Variants in HS3ST4 observed in about 807,000 individuals in gnomAD.
HS3ST4 encodes heparan sulfate glucosamine 3-O-sulfotransferase 4.
HS3ST4 carries 17 observed loss-of-function variants against 29.2 expected under a neutral mutation model. The observed-to-expected ratio is 0.58, with a 90% confidence interval of 0.40 to 0.87. HS3ST4 has a LOEUF of 0.87. Ranked by LOEUF, HS3ST4 falls within the 40% of genes least tolerant of loss-of-function variation. The pLI, the probability that HS3ST4 is intolerant of heterozygous loss-of-function variation, is 0.00. For synonymous variants in HS3ST4, 314 were observed against 285.7 expected, an observed-to-expected ratio of 1.10 and a Z score of -1.00; for missense variants, 627 against 634.5, an observed-to-expected ratio of 0.99 and a Z score of 0.13.
At chr16:26,090,307 T>G (rs8054490) in intron 1 of HS3ST4, among the ~76,000 whole-genome samples, 79,884 of 149,362 alleles carry the variant, frequency 0.53, 22,447 homozygotes, top group African/African-American at 0.67. Flanking sequence ...GAAATCTCTC[T>G]GCATTGGGAT....
rs182232053 is a variant in HS3ST4 at position 26,005,292 on chromosome 16, T to C, written c.735-130320T>C. The stretch of plus-strand genomic sequence containing the variant: ...CTGAAAACGAAGGTGACTTTGTTTT[T>C]GCCCAATAATATAATGAGTTTTATT... On this transcript the variant is annotated intron_variant, in intron 1 of 1. Coordinates refer to ENST00000331351, the MANE Select transcript of HS3ST4 (RefSeq NM_006040.3). Among the ~76,000 whole-genome samples the C allele has an allele frequency of 6.3e-3, 955 of 152,326 alleles. 11 individuals are homozygous for C. The highest frequency in any genetic ancestry group is 0.017 in the Middle Eastern group (5 of 294).
intron 1 of HS3ST4, among the ~76,000 whole-genome samples, chr16:25,703,480 G>C (rs1966351137): frequency 6.6e-6 from 1 of 152,226 alleles, no homozygotes; most frequent in South Asian, 2.1e-4. Flanking sequence ...GTGCTGGTAA[G>C]TCACTCGCTC....
At chr16:26,034,416 G>C (rs893470353) in intron 1 of HS3ST4, among the ~76,000 whole-genome samples, 24 of 152,126 alleles carry the variant, frequency 1.6e-4, no homozygotes, top group African/African-American at 5.8e-4. Context: ...CTTTATGCTA[G>C]GCCTGTGCTG....
At chr16:25,757,104 A>G (rs1170118191) in intron 1 of HS3ST4, among the ~76,000 whole-genome samples, 1 of 152,208 alleles carries the variant, frequency 6.6e-6, no homozygotes, top group Non-Finnish European at 1.5e-5. Context: ...CAGGTTGTGC[A>G]CAAAATAGTG....
intron 1 of HS3ST4, among the ~76,000 whole-genome samples, chr16:25,941,683 TCTC>T (rs1968573719): frequency 6.6e-6 from 1 of 151,982 alleles, no homozygotes; most frequent in African/African-American, 2.4e-5. Context: ...TTTACGCCAT[TCTC>T]CTGCCTCAGC....
chr16:25,825,204 G>A (rs1967203184), intron 1 of HS3ST4, among the ~76,000 whole-genome samples: 1 of 152,194 alleles, frequency 6.6e-6, no homozygotes, highest in East Asian at 1.9e-4. Flanking sequence ...GCAACCACCG[G>A]AAGTTAGGAA....
intron 1 of HS3ST4, among the ~76,000 whole-genome samples, chr16:25,963,778 G>A (rs890550441): frequency 2.6e-5 from 4 of 152,234 alleles, no homozygotes; most frequent in African/African-American, 9.6e-5. Flanking sequence ...ATCTTGTGGT[G>A]AGAGGGGACG....
intron 1 of HS3ST4, among the ~76,000 whole-genome samples, chr16:26,063,418 A>G (rs767278485): frequency 2.6e-4 from 39 of 151,856 alleles, no homozygotes; most frequent in Middle Eastern, 3.4e-3. Flanking sequence ...TGGGCATGGT[A>G]GTTTACACCT....
intron 1 of HS3ST4, among the ~76,000 whole-genome samples, chr16:25,732,199 C>T (rs1257650534): frequency 3.3e-5 from 5 of 152,146 alleles, no homozygotes; most frequent in Non-Finnish European, 7.3e-5. Flanking sequence ...TGATTTTTCC[C>T]CTTTTCCACT....
At chr16:25,924,991 G>T (rs917683110) in intron 1 of HS3ST4, among the ~76,000 whole-genome samples, 1 of 152,062 alleles carries the variant, frequency 6.6e-6, no homozygotes, top group Non-Finnish European at 1.5e-5. Context: ...TTTCCTGGAA[G>T]CATACAGGGC....
At chr16:25,925,779 A>G (rs1258075582) in intron 1 of HS3ST4, among the ~76,000 whole-genome samples, 1 of 152,164 alleles carries the variant, frequency 6.6e-6, no homozygotes, top group Non-Finnish European at 1.5e-5. Flanking sequence ...AATGTTGCTG[A>G]GGGTGGGGTA....
intron 1 of HS3ST4, among the ~76,000 whole-genome samples, chr16:25,837,938 C>A (rs562603317): frequency 1.3e-5 from 2 of 152,136 alleles, no homozygotes; most frequent in East Asian, 1.9e-4. Context: ...CCCTCTCCCC[C>A]ACTTCCCCCT....
chr16:25,830,601 C>T (rs1171567060), intron 1 of HS3ST4, among the ~76,000 whole-genome samples: 2 of 152,152 alleles, frequency 1.3e-5, no homozygotes, highest in East Asian at 1.9e-4. Context: ...GTCTTGATTT[C>T]CCCCAAATCT....
chr16:26,073,962 A>C (rs768816489), intron 1 of HS3ST4, among the ~76,000 whole-genome samples: 15 of 152,226 alleles, frequency 9.9e-5, no homozygotes, highest in Middle Eastern at 3.2e-3. Context: ...CTTGAATATT[A>C]CTATAAAATT....
intron 1 of HS3ST4, among the ~76,000 whole-genome samples, chr16:25,857,970 T>TTCTTTCTTTCTC: frequency 1.9e-5 from 1 of 53,992 alleles, no homozygotes; most frequent in Admixed American, 1.8e-4. Flanking sequence ...CTTTCTTTCT[T>TTCTTTCTTTCTC]TCTCTTTTCT....
chr16:26,007,465 C>T (rs1390393902), intron 1 of HS3ST4, among the ~76,000 whole-genome samples: 1 of 152,138 alleles, frequency 6.6e-6, no homozygotes, highest in African/African-American at 2.4e-5. Flanking sequence ...CTTATCCATT[C>T]GTGAAATGGG....
chr16:25,914,932 ACACT>A (rs939853430), intron 1 of HS3ST4, among the ~76,000 whole-genome samples: 2 of 151,946 alleles, frequency 1.3e-5, no homozygotes, highest in African/African-American at 2.4e-5. Context: ...AAAAAAAAAG[ACACT>A]CTCTCTAAAA....
At chr16:26,127,993 C>T (rs1289701941) in intron 1 of HS3ST4, among the ~76,000 whole-genome samples, 1 of 152,102 alleles carries the variant, frequency 6.6e-6, no homozygotes, top group African/African-American at 2.4e-5. Context: ...GCTCCTCTTT[C>T]CCCTTCTCCT....
intron 1 of HS3ST4, among the ~76,000 whole-genome samples, chr16:25,709,288 A>G (rs2141584038): frequency 6.6e-6 from 1 of 151,902 alleles, no homozygotes; most frequent in Non-Finnish European, 1.5e-5. Context: ...TTTGCTGAAG[A>G]CTCGATGTAG....
Sources: allele counts gnomAD v4.1 joint callset (sites outside exome capture counted in the v4.1 genomes callset), GRCh38; gene constraint gnomAD v4.1.1; transcripts MANE v1.5; gene names NCBI Gene and HGNC (gene_info 2026-07-23, HGNC 2026-07-21).